FEZ1: variants seen among roughly 807,000 people sequenced by gnomAD.
The protein encoded by FEZ1 is fasciculation and elongation protein zeta-1.
In FEZ1, 20 loss-of-function variants were observed where a neutral mutation model predicts 49.3. That is an observed-to-expected ratio of 0.41 (90% confidence interval 0.29 to 0.59). The LOEUF is 0.59. Ranked by LOEUF, FEZ1 falls within the 20% of genes least tolerant of loss-of-function variation. The pLI is 0.36. For missense variants in FEZ1, 413 were observed against 476.0 expected (o/e 0.87, Z 1.23); for synonymous variants, 170 against 180.9 (o/e 0.94, Z 0.48).
chr11:125,464,529 T>C (rs1334273616), intron 3 of FEZ1, among the ~76,000 whole-genome samples: 1 of 152,160 alleles, frequency 6.6e-6, no homozygotes, highest in Admixed American at 6.5e-5. Flanking sequence ...GCACACCGAT[T>C]GGCCCCTTCC....
At chr11:125,481,387 C>A in intron 3 of FEZ1, 147 bp downstream of exon 3, 1 of 709,244 alleles carries the variant, frequency 1.4e-6, no homozygotes. Context: ...TGAACTCAAG[C>A]AATCACCCAC....
At chr11:125,457,403 TAAAAAAAAAAAAA>T (rs141594971) in intron 5 of FEZ1, among the ~76,000 whole-genome samples, 43 of 35,122 alleles carry the variant, frequency 1.2e-3, no homozygotes, top group African/African-American at 4.2e-3. Flanking sequence ...GTTTCTACTT[TAAAAAAAAAAAAA>T]AAAAAAAAAA....
chr11:125,456,062 G>T lies in FEZ1; in HGVS notation c.712C>A (p.Gln238Lys), dbSNP rs531561230. The T allele has an allele frequency of 1.2e-6, 2 of 1,610,680 alleles. No individual in the cohort carries two copies. The highest frequency in any genetic ancestry group is 4.5e-5 in the East Asian group (2 of 44,786). The part of the protein sequence containing the change: ...SGSELTELLD[Q>K]VEGAIRDFSE... ...AAGTCACGGATGGCACCCTCCACCT[G>T]GTCCAGCAGCTCGGTCAGCTCAGAC... is the stretch of plus-strand genomic sequence containing the variant. The change falls in exon 6 of 10, where the codon CAG becomes AAG. Residue 238 changes from glutamine (Q) to lysine (K), a missense_variant. Transcript: ENST00000278919.
chr11:125,460,375 G>A (rs1957062323), intron 5 of FEZ1, 123 bp downstream of exon 5: 1 of 764,534 alleles, frequency 1.3e-6, no homozygotes, highest in Non-Finnish European at 2.0e-6. Flanking sequence ...TGACCACCTA[G>A]ATCTGCAAGG....
At chr11:125,469,568 A>G (rs1013999542) in intron 3 of FEZ1, among the ~76,000 whole-genome samples, 10 of 151,764 alleles carry the variant, frequency 6.6e-5, no homozygotes, top group Non-Finnish European at 1.5e-4. Context: ...TTTTTTTTAA[A>G]ATTAATGTTT....
At position 125,456,118 on chromosome 11, in the gene FEZ1, G is replaced by A. The variant is rs755137777; in HGVS notation, c.668-12C>T. On this transcript the variant is annotated splice_polypyrimidine_tract_variant and intron_variant, in intron 5 of 9. Transcript: ENST00000278919. ...CATGTGCCTCAGCCCTGCAGGGGAA[G>A]ACCGTCTCCCGCATAACACCTGCAT... 1.9e-6 allele frequency: 3 copies of A among 1,569,950 alleles called. No homozygotes were observed. The highest frequency in any genetic ancestry group is 2.4e-5 in the South Asian group (2 of 84,868).
chr11:125,471,124 G>A (rs1395228887), intron 3 of FEZ1, among the ~76,000 whole-genome samples: 1 of 151,998 alleles, frequency 6.6e-6, no homozygotes, highest in Non-Finnish European at 1.5e-5. Flanking sequence ...GAAGACATAA[G>A]ATGCAAAGCC....
At chr11:125,474,275 T>C (rs1957209429) in intron 3 of FEZ1, among the ~76,000 whole-genome samples, 1 of 150,814 alleles carries the variant, frequency 6.6e-6, no homozygotes, top group Non-Finnish European at 1.5e-5. Flanking sequence ...GCTGACCTCG[T>C]GATCCACCCA....
intron 3 of FEZ1, among the ~76,000 whole-genome samples, chr11:125,474,088 A>T (rs1957206680): frequency 6.6e-6 from 1 of 151,338 alleles, no homozygotes; most frequent in East Asian, 2.0e-4. Flanking sequence ...GCAATGGTGC[A>T]ATCTCAACCC....
intron 1 of FEZ1, among the ~76,000 whole-genome samples, chr11:125,493,449 G>GAAAGAAAGAAAGAAAGAAAGAAA (rs1957414087): frequency 2.5e-5 from 1 of 39,586 alleles, no homozygotes; most frequent in Admixed American, 2.8e-4. Flanking sequence ...AAGGAAAGAA[G>GAAAGAAAGAAAGAAAGAAAGAAA]GAAAGAAGGA....
At chr11:125,463,670 C>A in intron 3 of FEZ1, 100 bp from the exon 4 acceptor site, 1 of 736,924 alleles carries the variant, frequency 1.4e-6, no homozygotes, top group Non-Finnish European at 2.4e-6. Flanking sequence ...GAGGCCACTC[C>A]AGCCAGCTGC....
chr11:125,493,422 GAA>G (rs1957411906), intron 1 of FEZ1, among the ~76,000 whole-genome samples: 1 of 37,596 alleles, frequency 2.7e-5, no homozygotes. Flanking sequence ...AAGAAAGAAA[GAA>G]GGAAAGAAGG....
intron 1 of FEZ1, among the ~76,000 whole-genome samples, chr11:125,491,735 G>C (rs1016248509): frequency 2.0e-5 from 3 of 152,204 alleles, no homozygotes; most frequent in African/African-American, 7.2e-5. Flanking sequence ...CAAGAACACT[G>C]CCAGTTTGTA....
chr11:125,486,611 C>T (rs1240599734), intron 2 of FEZ1, among the ~76,000 whole-genome samples: 1 of 152,194 alleles, frequency 6.6e-6, no homozygotes, highest in Admixed American at 6.5e-5. Flanking sequence ...ATGATTTGTG[C>T]TGTCTTTAAG....
At chr11:125,457,444 A>T in intron 5 of FEZ1, among the ~76,000 whole-genome samples, 1 of 92,816 alleles carries the variant, frequency 1.1e-5, no homozygotes, top group East Asian at 3.3e-4. Flanking sequence ...ATATATATAT[A>T]TATATATGTA....
At chr11:125,480,644 T>A (rs1957270615) in intron 3 of FEZ1, among the ~76,000 whole-genome samples, 1 of 152,200 alleles carries the variant, frequency 6.6e-6, no homozygotes, top group African/African-American at 2.4e-5. Flanking sequence ...CTGATTTTTT[T>A]AAACCACCAT....
Position 125,495,244 on chromosome 11 carries a change from G to T in FEZ1, c.-46+877C>A. The T allele has an allele frequency of 1.0e-5, 4 of 393,548 alleles. No homozygotes were observed. Among genetic ancestry groups the T allele is most frequent in the Non-Finnish European group, 2.2e-5 (4 of 185,898 alleles). The allele number at this position is 393,548 out of a possible 1,614,324, so 24.4% of individuals were successfully genotyped here. A position where few individuals can be genotyped will look rare whatever the true frequency, so the allele number is the denominator to read the frequency against. Reference sequence around the variant, plus strand: ...AATGGCTGGCACTCTGAGGAAGCCGGACTCATCCCGTGCAGGCCGCATACA... The same window carrying T: ...AATGGCTGGCACTCTGAGGAAGCCGTACTCATCCCGTGCAGGCCGCATACA... On this transcript the variant is annotated intron_variant, in intron 1 of 9. Coordinates refer to ENST00000278919, the MANE Select transcript of FEZ1 (RefSeq NM_005103.5). This position sits in a 1 kb window ranked among gnomAD's most constrained non-coding sequence, Gnocchi z 4.2.
chr11:125,488,302 A>G (rs1024564025), intron 2 of FEZ1, among the ~76,000 whole-genome samples: 12 of 152,220 alleles, frequency 7.9e-5, no homozygotes, highest in African/African-American at 2.9e-4. Context: ...ACTGAACTTT[A>G]TCATATGTAC....
At position 125,455,950 on chromosome 11, in the gene FEZ1, A is replaced by G. The variant is rs199511805; in HGVS notation, c.824T>C (p.Ile275Thr). Residue 275 changes from isoleucine (I) to threonine (T), a missense_variant, in exon 6 of 10, where the codon ATT (isoleucine) becomes ACT (threonine). By Grantham distance (89) the Ile-to-Thr change is moderately conservative (BLOSUM62 -1). Coordinates refer to ENST00000278919, the MANE Select transcript of FEZ1 (RefSeq NM_005103.5). ...CTCCTTCTGCTTGTTCTGAACCTCA[A>G]TAAGCACCGTGATAAAGGAGTTCTT... ...EVKNSFITVL[I>T]EVQNKQKEQR... The G allele has an allele frequency of 8.1e-6, 13 of 1,613,204 alleles. No individual in the cohort carries two copies. The highest frequency in any genetic ancestry group is 2.2e-5 in the East Asian group (1 of 44,774).
Sources: gnomAD v4.1 joint callset for allele counts (sites outside exome capture counted in the v4.1 genomes callset) on GRCh38, gnomAD v4.1.1 for gene constraint, Gnocchi (gnomAD v3.1) non-coding constraint, MANE v1.5 for transcripts, NCBI Gene and HGNC (gene_info 2026-07-23, HGNC 2026-07-21) for gene names.